SLC44A1: variants seen among roughly 807,000 people sequenced by gnomAD.
The protein encoded by SLC44A1 is solute carrier family 44 member 1.
A neutral mutation model predicts 79.3 loss-of-function variants in SLC44A1; 26 were observed. The observed-to-expected ratio is 0.33, with a 90% CI of 0.24 to 0.46. The LOEUF (loss-of-function observed/expected upper bound fraction) is 0.46, where lower values mean the gene tolerates loss of function less well. Among genes scored for constraint, SLC44A1 ranks in the 20% least tolerant of loss-of-function variants. The pLI is 1.00. For synonymous variants in SLC44A1, 263 were observed against 286.2 expected, an observed-to-expected ratio of 0.92 and a Z score of 0.82; for missense variants, 688 against 798.1, an observed-to-expected ratio of 0.86 and a Z score of 1.66.
intron 4 of SLC44A1, among the ~76,000 whole-genome samples, chr9:105,342,172 C>T (rs1332079361): frequency 6.6e-6 from 1 of 152,130 alleles, no homozygotes; most frequent in African/African-American, 2.4e-5. Flanking sequence ...TTTCAGTTAT[C>T]CATGGTCAAT....
At chr9:105,301,454 G>A (rs187958326) in intron 2 of SLC44A1, among the ~76,000 whole-genome samples, 1 of 152,116 alleles carries the variant, frequency 6.6e-6, no homozygotes, top group Non-Finnish European at 1.5e-5. Flanking sequence ...AGCTAACATC[G>A]TATTTTGCCA....
chr9:105,317,701 G>T (rs573200209), intron 3 of SLC44A1, among the ~76,000 whole-genome samples: 15 of 152,134 alleles, frequency 9.9e-5, no homozygotes, highest in Non-Finnish European at 2.1e-4. Context: ...AGAGAAGACT[G>T]GCACACACAG....
chr9:105,396,339 A>C lies in SLC44A1; in HGVS notation c.*7283A>C. ...TTACAGGAGAAAAAAACTTTAACAA[A>C]AAGGCAGGGAGAAAAGTGTGAAGGG... On this transcript the variant is annotated 3_prime_UTR_variant, in exon 16 of 16. Coordinates refer to ENST00000374720, the MANE Select transcript of SLC44A1 (RefSeq NM_080546.5). 1.0e-6 allele frequency: 1 copy of C among 985,450 alleles called. No individual in the cohort carries two copies. The highest frequency in any genetic ancestry group is 1.2e-6 in the Non-Finnish European group (1 of 829,928). The allele number at this position is 985,450 out of a possible 1,614,324, so 61.0% of individuals were successfully genotyped here.
intron 1 of SLC44A1, among the ~76,000 whole-genome samples, chr9:105,298,627 G>C (rs747713231): frequency 3.9e-5 from 6 of 152,182 alleles, no homozygotes; most frequent in African/African-American, 7.2e-5. Context: ...TGGGATTACA[G>C]ATGTGAGCCA....
chr9:105,438,175 G>T, intron 15 of SLC44A1: 1 of 877,616 alleles, frequency 1.1e-6, no homozygotes, highest in Non-Finnish European at 1.8e-6. Context: ...ATTTCATAAT[G>T]TTTTCTTTAA....
chr9:105,403,296 A>G (rs1368739993), intron 15 of SLC44A1, among the ~76,000 whole-genome samples: 1 of 152,146 alleles, frequency 6.6e-6, no homozygotes, highest in African/African-American at 2.4e-5. Flanking sequence ...ATTCTCTGGT[A>G]GAAGAAGGTT....
chr9:105,371,720 CAAAAAA>C (rs776993058), intron 12 of SLC44A1, among the ~76,000 whole-genome samples: 4,269 of 94,270 alleles, frequency 0.045, 109 homozygotes, highest in Non-Finnish European at 0.059. Context: ...CTCCATCTCA[CAAAAAA>C]AAAAAAAAAA....
intron 12 of SLC44A1, among the ~76,000 whole-genome samples, chr9:105,369,332 G>A (rs75955139): frequency 0.015 from 2,297 of 152,292 alleles, 55 homozygotes; most frequent in African/African-American, 0.053. Flanking sequence ...GGTTTGTGCG[G>A]GCCTGTTTCC....
intron 5 of SLC44A1, among the ~76,000 whole-genome samples, chr9:105,354,700 AATTAT>A (rs1444795207): frequency 6.6e-6 from 1 of 152,232 alleles, no homozygotes; most frequent in Non-Finnish European, 1.5e-5. Context: ...AGATCTTTAA[AATTAT>A]ATTATTTTAA....
At chr9:105,246,499 G>T (rs988792746) in intron 1 of SLC44A1, among the ~76,000 whole-genome samples, 1 of 151,380 alleles carries the variant, frequency 6.6e-6, no homozygotes, top group East Asian at 1.9e-4. Flanking sequence ...AAAACTATAC[G>T]TAGAGGTGTT....
intron 15 of SLC44A1, among the ~76,000 whole-genome samples, chr9:105,436,785 G>A (rs556149389): frequency 1.2e-4 from 19 of 152,242 alleles, no homozygotes; most frequent in South Asian, 2.1e-4. Context: ...TAAGTGGCAC[G>A]TACTAAAATC....
chr9:105,413,475 G>A (rs1429186976), intron 15 of SLC44A1, among the ~76,000 whole-genome samples: 1 of 152,154 alleles, frequency 6.6e-6, no homozygotes, highest in Admixed American at 6.5e-5. Flanking sequence ...CTACTTGAAA[G>A]AACAAAAGAC....
At chr9:105,375,098 A>G (rs113979295) in intron 13 of SLC44A1, among the ~76,000 whole-genome samples, 2,325 of 152,254 alleles carry the variant, frequency 0.015, 57 homozygotes, top group African/African-American at 0.054. Flanking sequence ...CTGGAATACA[A>G]TGGTGCTATC....
chr9:105,251,659 C>T (rs1013023003), intron 1 of SLC44A1, among the ~76,000 whole-genome samples: 23 of 152,188 alleles, frequency 1.5e-4, no homozygotes, highest in Non-Finnish European at 3.2e-4. Context: ...ACTGCAGCCT[C>T]ACAGATTCTT....
intron 3 of SLC44A1, among the ~76,000 whole-genome samples, chr9:105,322,588 T>G (rs1253672827): frequency 3.9e-5 from 6 of 152,180 alleles, no homozygotes; most frequent in African/African-American, 1.2e-4. Flanking sequence ...CCGAAACCTG[T>G]TCCAAAGGAC....
intron 1 of SLC44A1, among the ~76,000 whole-genome samples, chr9:105,297,854 C>T (rs1830768572): frequency 6.6e-6 from 1 of 152,156 alleles, no homozygotes; most frequent in African/African-American, 2.4e-5. Context: ...ATGCCCTTTC[C>T]TCCTGACAAG....
intron 15 of SLC44A1, among the ~76,000 whole-genome samples, chr9:105,435,152 A>AT (rs1316675526): frequency 1.2e-4 from 18 of 146,706 alleles, no homozygotes; most frequent in African/African-American, 4.9e-4. Context: ...GTTTCAAAAA[A>AT]CAAAACAAAA....
At chr9:105,382,831 G>A (rs995348142) in intron 13 of SLC44A1, among the ~76,000 whole-genome samples, 7 of 152,078 alleles carry the variant, frequency 4.6e-5, no homozygotes. Flanking sequence ...CTTAAAAATT[G>A]CCACAGATTC....
chr9:105,276,565 C>CGTGTGTGTGTGTGTGTGTGTGT lies in SLC44A1; in HGVS notation c.37-22622_37-22601dup, dbSNP rs60259632. 1.8e-4 allele frequency among the ~76,000 whole-genome samples: 22 copies of CGTGTGTGTGTGTGTGTGTGTGT among 118,996 alleles called. 1 individual carries two copies. The highest frequency in any genetic ancestry group is 5.7e-4 in the East Asian group (2 of 3,532). The allele number at this position is 118,996 out of a possible 152,430, so 78.1% of individuals were successfully genotyped here. On this transcript the variant is annotated intron_variant, in intron 1 of 15. Transcript: ENST00000374720. ...AAGTTAGGAAACGGGGATGGGGAGC[C>CGTGTGTGTGTGTGTGTGTGTGT]GTGTGTGTGTGTGTGTGTGTGTGTG...
Sources: allele counts gnomAD v4.1 joint callset (sites outside exome capture counted in the v4.1 genomes callset), GRCh38; gene constraint gnomAD v4.1.1; transcripts MANE v1.5; gene names NCBI Gene and HGNC (gene_info 2026-07-23, HGNC 2026-07-21).